The following FGF12 variants were observed in gnomAD, a reference collection of about 807,000 sequenced individuals.
The protein encoded by FGF12 is fibroblast growth factor 12.
FGF12 carries 14 observed loss-of-function variants against 23.6 expected under a neutral mutation model. The observed-to-expected ratio is 0.59, with a 90% CI of 0.39 to 0.93. The LOEUF is 0.93. Among genes scored for constraint, FGF12 ranks in the 40% least tolerant of loss-of-function variants. FGF12 has a pLI of 0.00. For missense variants in FGF12, 175 were observed against 217.8 expected, an observed-to-expected ratio of 0.80 and a Z score of 1.24; for synonymous variants, 62 against 77.3, an observed-to-expected ratio of 0.80 and a Z score of 1.04.
intron 2 of FGF12, among the ~76,000 whole-genome samples, chr3:192,482,833 A>G (rs1723517145): frequency 6.6e-6 from 1 of 152,224 alleles, no homozygotes; most frequent in African/African-American, 2.4e-5. Context: ...AAAAAGCTTA[A>G]TAAAATATTT....
At chr3:192,449,194 T>C (rs1394165907) in intron 2 of FGF12, among the ~76,000 whole-genome samples, 2 of 152,200 alleles carry the variant, frequency 1.3e-5, no homozygotes, top group Admixed American at 6.5e-5. Context: ...TAAGTCTCTG[T>C]TCTTTGCAGC....
chr3:192,394,111 G>A (rs1720418061), intron 2 of FGF12, among the ~76,000 whole-genome samples: 1 of 152,102 alleles, frequency 6.6e-6, no homozygotes, highest in Non-Finnish European at 1.5e-5. Context: ...AAATCATGTG[G>A]TTCCTTTCCT....
At chr3:192,250,087 T>C (rs537321594) in intron 4 of FGF12, among the ~76,000 whole-genome samples, 12 of 152,308 alleles carry the variant, frequency 7.9e-5, no homozygotes, top group East Asian at 7.7e-4. Context: ...TGCTTAGTAC[T>C]CGAAGTGTGC....
chr3:192,708,295 G>A (rs1338131662), intron 2 of FGF12, among the ~76,000 whole-genome samples: 1 of 152,254 alleles, frequency 6.6e-6, no homozygotes, highest in East Asian at 1.9e-4. Flanking sequence ...TAACAGCCTA[G>A]GGTGAGAGAT....
chr3:192,199,106 T>A (rs1717228341), intron 4 of FGF12, among the ~76,000 whole-genome samples: 1 of 152,184 alleles, frequency 6.6e-6, no homozygotes, highest in South Asian at 2.1e-4. Flanking sequence ...AGAGCTGAAG[T>A]CAGTAACAAT....
At chr3:192,550,331 T>C (rs1289629440) in intron 2 of FGF12, among the ~76,000 whole-genome samples, 2 of 150,106 alleles carry the variant, frequency 1.3e-5, no homozygotes, top group Non-Finnish European at 3.0e-5. Flanking sequence ...TTCCTTTCCT[T>C]CCTATATATG....
In FGF12 at chr3:192,514,802, G is replaced by A; in HGVS notation, c.14-154264C>T. 1 of 985,376 alleles carries A rather than the reference G, an allele frequency of 1.0e-6. No homozygotes were observed. Among genetic ancestry groups the A allele is most frequent in the South Asian group, 4.7e-5 (1 of 21,284 alleles). The allele number at this position is 985,376 out of a possible 1,614,324, so 61.0% of individuals were successfully genotyped here. ...GTTGGTCAACTCCCCGCCCACCTGC[G>A]CTAGTAGTCCAACCAACAGGCGGCC... On this transcript the variant is annotated intron_variant, in intron 2 of 5. Coordinates refer to ENST00000445105, the MANE Select transcript of FGF12 (RefSeq NM_004113.6). The surrounding 1 kb of genome is among the most constrained non-coding windows in gnomAD (Gnocchi z 4.9).
intron 4 of FGF12, among the ~76,000 whole-genome samples, chr3:192,207,571 C>T (rs1717718835): frequency 6.6e-6 from 1 of 152,056 alleles, no homozygotes; most frequent in African/African-American, 2.4e-5. Context: ...TGAAGTGTGG[C>T]TAGAGCATAT....
intron 2 of FGF12, among the ~76,000 whole-genome samples, chr3:192,364,875 C>A (rs1437678706): frequency 2.6e-5 from 4 of 151,984 alleles, no homozygotes; most frequent in Admixed American, 2.6e-4. Flanking sequence ...GTGGAGAAAC[C>A]TAACAAACAA....
At chr3:192,268,107 C>T (rs1713193437) in intron 4 of FGF12, among the ~76,000 whole-genome samples, 1 of 152,160 alleles carries the variant, frequency 6.6e-6, no homozygotes. Flanking sequence ...CTCAGAAGTT[C>T]TTCCTAATGT....
At chr3:192,361,720 T>C (rs1718736400) in intron 2 of FGF12, among the ~76,000 whole-genome samples, 1 of 152,220 alleles carries the variant, frequency 6.6e-6, no homozygotes, top group Non-Finnish European at 1.5e-5. Flanking sequence ...AAGCATTTAA[T>C]GTGATTAATT....
intron 2 of FGF12, among the ~76,000 whole-genome samples, chr3:192,458,384 T>C (rs1410398810): frequency 6.6e-6 from 1 of 152,140 alleles, no homozygotes; most frequent in Non-Finnish European, 1.5e-5. Context: ...AAGGGGACTG[T>C]ACCCTGCAAA....
Position 192,666,551 on chromosome 3 carries a change from T to C in FGF12, c.13+60630A>G, listed in dbSNP as rs1238889357. ...AAACACAGGGCTCACCTATTTTTTATAGAACAGGGACCATAGTCTGGCTGT... is the reference window on the plus strand; with the variant it reads ...AAACACAGGGCTCACCTATTTTTTACAGAACAGGGACCATAGTCTGGCTGT... On this transcript the variant is annotated intron_variant, in intron 2 of 5. Transcript: ENST00000445105. Among the ~76,000 whole-genome samples, 13 of 152,236 alleles carry C rather than the reference T, an allele frequency of 8.5e-5. No individual in the cohort carries two copies. The East Asian group carries it at 1.7e-3, about 20-fold the overall frequency.
chr3:192,458,580 C>T (rs1293900579), intron 2 of FGF12, among the ~76,000 whole-genome samples: 1 of 152,160 alleles, frequency 6.6e-6, no homozygotes, highest in African/African-American at 2.4e-5. Flanking sequence ...TTTGGAATGG[C>T]TGTATTTACC....
intron 2 of FGF12, among the ~76,000 whole-genome samples, chr3:192,605,394 A>T (rs1254753050): frequency 2.6e-5 from 4 of 151,956 alleles, no homozygotes; most frequent in Non-Finnish European, 5.9e-5. Flanking sequence ...AAAAAAAAAA[A>T]AATCCTAGAA....
chr3:192,364,979 C>G (rs1449281746), intron 2 of FGF12, among the ~76,000 whole-genome samples: 1 of 152,002 alleles, frequency 6.6e-6, no homozygotes, highest in Non-Finnish European at 1.5e-5. Context: ...GAGAATAGCA[C>G]TTTACCTCTG....
intron 2 of FGF12, among the ~76,000 whole-genome samples, chr3:192,422,879 T>C (rs1721575832): frequency 6.6e-6 from 1 of 152,156 alleles, no homozygotes; most frequent in African/African-American, 2.4e-5. Context: ...CTGGTGCTAG[T>C]GATGGCTATG....
At chr3:192,636,959 A>G (rs1459359846) in intron 2 of FGF12, among the ~76,000 whole-genome samples, 1 of 152,204 alleles carries the variant, frequency 6.6e-6, no homozygotes, top group Non-Finnish European at 1.5e-5. Flanking sequence ...GGGAGGTGAT[A>G]GGAAGCCAAA....
intron 2 of FGF12, among the ~76,000 whole-genome samples, chr3:192,380,596 T>C (rs1486052800): frequency 6.6e-6 from 1 of 152,170 alleles, no homozygotes; most frequent in Non-Finnish European, 1.5e-5. Flanking sequence ...AGAAATAGTG[T>C]TTATGTACAG....
Sources: allele counts gnomAD v4.1 joint callset (sites outside exome capture counted in the v4.1 genomes callset), GRCh38; gene constraint gnomAD v4.1.1; non-coding constraint Gnocchi (gnomAD v3.1); transcripts MANE v1.5; gene names NCBI Gene and HGNC (gene_info 2026-07-23, HGNC 2026-07-21).